The following ARHGEF3 variants were observed in gnomAD, a reference collection of about 807,000 sequenced individuals.
The protein encoded by ARHGEF3 is 59.8 kDA protein.
In ARHGEF3, 28 loss-of-function variants were observed where a neutral mutation model predicts 63.2. The observed-to-expected ratio is 0.44, with a 90% CI of 0.33 to 0.61. ARHGEF3 has a LOEUF of 0.61. Ranked by LOEUF, ARHGEF3 falls within the 20% of genes least tolerant of loss-of-function variation. The pLI is 0.03. For synonymous variants in ARHGEF3, 266 were observed against 254.2 expected (o/e 1.05, Z -0.44); for missense variants, 533 against 659.3 (o/e 0.81, Z 2.10).
At chr3:57,051,988 T>C (rs569611405) in intron 1 of ARHGEF3, among the ~76,000 whole-genome samples, 252 of 152,028 alleles carry the variant, frequency 1.7e-3, no homozygotes, top group African/African-American at 5.0e-3. Flanking sequence ...CCCTTCATCA[T>C]TGCCACTACC....
chr3:57,034,986 T>C (rs1703890854), intron 2 of ARHGEF3: 3 of 981,882 alleles, frequency 3.1e-6, no homozygotes, highest in South Asian at 3.5e-5. Context: ...TGATGGCCTC[T>C]ACTGACTTAT....
chr3:56,858,613 G>T (rs1028106674), intron 4 of ARHGEF3, among the ~76,000 whole-genome samples: 3 of 152,230 alleles, frequency 2.0e-5, no homozygotes, highest in African/African-American at 7.2e-5. Context: ...GAAAGCACTT[G>T]CGGGGAGGGC....
At position 56,814,930 on chromosome 3, in the gene ARHGEF3, A is replaced by T. The variant is rs150315874; in HGVS notation, c.193-41114T>A. ...GATCACTAGAGCCCAGGAGTCTGAGACTAGCCTGGGCCACAAAGTAAGACC... is the reference window on the plus strand; with the variant it reads ...GATCACTAGAGCCCAGGAGTCTGAGTCTAGCCTGGGCCACAAAGTAAGACC... On this transcript the variant is annotated intron_variant, in intron 4 of 12. Coordinates refer to the ARHGEF3 transcript ENST00000338458. Among the ~76,000 whole-genome samples, 366 of 152,184 alleles carry T rather than the reference A, an allele frequency of 2.4e-3. 2 individuals are homozygous for T. Among genetic ancestry groups the T allele is most frequent in the African/African-American group, 8.6e-3 (356 of 41,512 alleles).
chr3:56,912,907 G>A (rs1387134041), intron 3 of ARHGEF3, among the ~76,000 whole-genome samples: 2 of 152,200 alleles, frequency 1.3e-5, no homozygotes, highest in Admixed American at 6.5e-5. Flanking sequence ...GAAGGCCAAG[G>A]TGGGATGATC....
rs926220255 is a variant in ARHGEF3, at chr3:56,928,713, C to T, written c.129+30110G>A. On this transcript the variant is annotated intron_variant, in intron 3 of 12. Transcript: ENST00000338458. Reference sequence around the variant, plus strand: ...GCAGGGTTTGGAAAATGTGCCTCTGCCCCCCAGTGAACTGCCACCTAAGGA... The same window carrying T: ...GCAGGGTTTGGAAAATGTGCCTCTGTCCCCCAGTGAACTGCCACCTAAGGA... 3.9e-5 allele frequency among the ~76,000 whole-genome samples: 6 copies of T among 152,092 alleles called. No individual in the cohort carries two copies. The South Asian group carries it at 8.3e-4, about 21-fold the overall frequency.
intron 4 of ARHGEF3, among the ~76,000 whole-genome samples, chr3:56,810,741 C>T (rs561233728): frequency 6.6e-5 from 10 of 152,224 alleles, no homozygotes; most frequent in African/African-American, 2.4e-4. Flanking sequence ...TCCCAGAGAC[C>T]ACCTGCTGTG....
In ARHGEF3 at chr3:56,773,600, C is replaced by A. The variant is rs528369829; in HGVS notation, c.204+109G>T. 1.9e-5 allele frequency: 17 copies of A among 916,450 alleles called. No individual in the cohort carries two copies. In the South Asian group the frequency reaches 3.2e-4, roughly 17 times the overall value. The allele number at this position is 916,450 out of a possible 1,614,324, so 56.8% of individuals were successfully genotyped here. A position where few individuals can be genotyped will look rare whatever the true frequency, so the allele number is the denominator to read the frequency against. The stretch of plus-strand genomic sequence containing the variant: ...ACTTGCACTCTTCTATTGAAATAAG[C>A]ATTGATTCAGGTCACTTTGAAACCA... On this transcript the variant is annotated intron_variant, in intron 2 of 9. Transcript: ENST00000296315.
At chr3:57,051,465 C>A (rs1447028671) in intron 1 of ARHGEF3, among the ~76,000 whole-genome samples, 1 of 151,852 alleles carries the variant, frequency 6.6e-6, no homozygotes, top group Admixed American at 6.6e-5. Context: ...CCAGCCTGGG[C>A]AACAAGAGTG....
At chr3:56,862,870 C>A (rs149006579) in intron 4 of ARHGEF3, among the ~76,000 whole-genome samples, 73 of 152,270 alleles carry the variant, frequency 4.8e-4, no homozygotes, top group African/African-American at 1.7e-3. Context: ...GTACCCTGGG[C>A]TGATTCATTA....
chr3:57,012,444 C>T (rs930844086), intron 2 of ARHGEF3, among the ~76,000 whole-genome samples: 5 of 152,000 alleles, frequency 3.3e-5, no homozygotes, highest in Non-Finnish European at 5.9e-5. Context: ...TTTTTAGTAG[C>T]GACGGGGTTT....
intron 4 of ARHGEF3, among the ~76,000 whole-genome samples, chr3:56,816,566 G>A (rs981105923): frequency 2.7e-4 from 41 of 152,316 alleles, no homozygotes; most frequent in African/African-American, 8.4e-4. Context: ...GGCAAGTGAT[G>A]AGAGCTCAGT....
intron 4 of ARHGEF3, among the ~76,000 whole-genome samples, chr3:56,818,106 C>T (rs927499518): frequency 2.0e-4 from 30 of 152,126 alleles, no homozygotes; most frequent in Admixed American, 2.0e-3. Flanking sequence ...AAAAGAGGAG[C>T]CAAAGACATA....
At chr3:56,807,777 T>C (rs1280747965) in intron 4 of ARHGEF3, among the ~76,000 whole-genome samples, 1 of 152,222 alleles carries the variant, frequency 6.6e-6, no homozygotes, top group African/African-American at 2.4e-5. Flanking sequence ...CCAGTATTAC[T>C]ATTCTCCCTT....
chr3:56,866,370 AG>A (rs2040247828), intron 4 of ARHGEF3, among the ~76,000 whole-genome samples: 1 of 152,184 alleles, frequency 6.6e-6, no homozygotes, highest in Non-Finnish European at 1.5e-5. Context: ...ACAGGGTAAA[AG>A]GGAGACTAAA....
chr3:57,026,774 GGT>G (rs1255144945), intron 2 of ARHGEF3, among the ~76,000 whole-genome samples: 1 of 152,170 alleles, frequency 6.6e-6, no homozygotes, highest in African/African-American at 2.4e-5. Context: ...GAGGCCACCT[GGT>G]GTGTGTGTCT....
At chr3:56,885,111 G>A (rs914847990) in intron 3 of ARHGEF3, among the ~76,000 whole-genome samples, 2 of 152,198 alleles carry the variant, frequency 1.3e-5, no homozygotes, top group Non-Finnish European at 2.9e-5. Flanking sequence ...AGAGAATGCT[G>A]TGATCACAAT....
intron 1 of ARHGEF3, among the ~76,000 whole-genome samples, chr3:56,786,007 G>T (rs527598430): frequency 1.3e-5 from 2 of 152,270 alleles, no homozygotes; most frequent in Admixed American, 6.5e-5. Context: ...ATATGTTCAA[G>T]ATGCTCCCTG....
chr3:56,990,170 A>G (rs1243840807), intron 2 of ARHGEF3, among the ~76,000 whole-genome samples: 1 of 152,214 alleles, frequency 6.6e-6, no homozygotes, highest in Non-Finnish European at 1.5e-5. Flanking sequence ...GGGGAGAGAA[A>G]CAAGGACAGA....
chr3:56,992,024 C>CTCTCTGTGTGTGTGTGTG (rs1239113895), intron 2 of ARHGEF3, among the ~76,000 whole-genome samples: 1 of 131,636 alleles, frequency 7.6e-6, no homozygotes, highest in African/African-American at 2.9e-5. Flanking sequence ...CCTCCTCTCT[C>CTCTCTGTGTGTGTGTGTG]TGTGTGTGTG....
Sources: allele counts gnomAD v4.1 joint callset (sites outside exome capture counted in the v4.1 genomes callset), GRCh38; gene constraint gnomAD v4.1.1; transcripts MANE v1.5; gene names NCBI Gene and HGNC (gene_info 2026-07-23, HGNC 2026-07-21).